ARHGEF9: variants seen among roughly 807,000 people sequenced by gnomAD.
ARHGEF9 encodes rho guanine nucleotide exchange factor 9.
ARHGEF9 carries 2 observed loss-of-function variants against 41.3 expected under a neutral mutation model. That is an observed-to-expected ratio of 0.05 (90% CI 0.02 to 0.15). The LOEUF (loss-of-function observed/expected upper bound fraction) is 0.15, where lower values mean the gene tolerates loss of function less well. Ranked by LOEUF, ARHGEF9 falls within the 10% of genes least tolerant of loss-of-function variation. ARHGEF9 has a pLI of 1.00. For synonymous variants in ARHGEF9, 160 were observed against 154.4 expected, an observed-to-expected ratio of 1.04 and a Z score of -0.27; for missense variants, 225 against 424.7, an observed-to-expected ratio of 0.53 and a Z score of 4.13.
intron 1 of ARHGEF9, among the ~76,000 whole-genome samples, chrX:63,753,190 T>C (rs1556442975): frequency 8.9e-6 from 1 of 112,102 alleles, no homozygotes; most frequent in Non-Finnish European, 1.9e-5. Flanking sequence ...CAAGCAGTCA[T>C]ATCTCAAACT....
intron 1 of ARHGEF9, among the ~76,000 whole-genome samples, chrX:63,750,088 G>C (rs188609623): frequency 8.9e-6 from 1 of 112,399 alleles, no homozygotes; most frequent in Admixed American, 9.4e-5. Flanking sequence ...GCAAGATCCA[G>C]ATGCCTTGTA....
At chrX:63,716,545 T>C (rs1556410311) in intron 2 of ARHGEF9, among the ~76,000 whole-genome samples, 2 of 111,677 alleles carry the variant, frequency 1.8e-5, no homozygotes, top group Admixed American at 1.9e-4. Context: ...TTGATGATCA[T>C]CTGTTGGGTG....
At chrX:63,756,625 G>A (rs1185009574) in intron 1 of ARHGEF9, among the ~76,000 whole-genome samples, 1 of 112,357 alleles carries the variant, frequency 8.9e-6, no homozygotes, top group Non-Finnish European at 1.9e-5. Context: ...CGTAAATACT[G>A]TTTCATGATG....
chrX:63,765,354 C>T (rs1556451272), intron 1 of ARHGEF9, among the ~76,000 whole-genome samples: 1 of 109,954 alleles, frequency 9.1e-6, no homozygotes, highest in African/African-American at 3.3e-5. Context: ...GGCTCACTCT[C>T]ACCACTCCAC....
At chrX:63,720,391 T>C (rs2053570879) in intron 2 of ARHGEF9, among the ~76,000 whole-genome samples, 1 of 111,512 alleles carries the variant, frequency 9.0e-6, no homozygotes, top group Non-Finnish European at 1.9e-5. Flanking sequence ...CCCTCAACAA[T>C]CAACAGTAGA....
chrX:63,781,108 CATTGT>C (rs2056372745), intron 1 of ARHGEF9, among the ~76,000 whole-genome samples: 1 of 111,897 alleles, frequency 8.9e-6, no homozygotes, highest in South Asian at 3.7e-4. Flanking sequence ...AGTGAGTGCA[CATTGT>C]AGTTTATACA....
At chrX:63,697,621 A>G (rs1212279415) in intron 3 of ARHGEF9, among the ~76,000 whole-genome samples, 1 of 111,539 alleles carries the variant, frequency 9.0e-6, no homozygotes, top group Non-Finnish European at 1.9e-5. Flanking sequence ...CACAGGTCTT[A>G]TTAGCTACTG....
chrX:63,753,069 T>C (rs1262361485), intron 1 of ARHGEF9, among the ~76,000 whole-genome samples: 1 of 112,414 alleles, frequency 8.9e-6, no homozygotes, highest in African/African-American at 3.2e-5. Flanking sequence ...CAGACTGGCA[T>C]GAGACATTTT....
chrX:63,754,407 G>T, intron 1 of ARHGEF9: 1 of 1,171,404 alleles, frequency 8.5e-7, no homozygotes, highest in Non-Finnish European at 1.1e-6. Context: ...CTCTGTCTGT[G>T]ATTTTTTTTT....
chrX:63,718,252 G>A (rs1556411408), intron 2 of ARHGEF9, among the ~76,000 whole-genome samples: 2 of 111,369 alleles, frequency 1.8e-5, no homozygotes, highest in African/African-American at 3.3e-5. Flanking sequence ...GATATTAATA[G>A]CACTAGAGCC....
chrX:63,695,230 C>T (rs1465880643), intron 4 of ARHGEF9, among the ~76,000 whole-genome samples: 5 of 111,741 alleles, frequency 4.5e-5, no homozygotes, highest in Admixed American at 2.8e-4. Flanking sequence ...TACAGGGCAG[C>T]CCCCGGTTGA....
chrX:63,779,858 T>C (rs369941147), intron 1 of ARHGEF9, among the ~76,000 whole-genome samples: 2 of 111,768 alleles, frequency 1.8e-5, no homozygotes, highest in East Asian at 5.6e-4. Context: ...AACATCGTTT[T>C]TCCCTTCTTC....
intron 3 of ARHGEF9, among the ~76,000 whole-genome samples, chrX:63,703,785 G>A (rs373012876): frequency 9.0e-6 from 1 of 111,728 alleles, no homozygotes; most frequent in Non-Finnish European, 1.9e-5. Context: ...GGCAGTGCAA[G>A]GTTACAGGTT....
chrX:63,697,626 C>T (rs183075974), intron 3 of ARHGEF9, among the ~76,000 whole-genome samples: 60 of 111,580 alleles, frequency 5.4e-4, no homozygotes, highest in Admixed American at 5.1e-3. Flanking sequence ...GTCTTATTAG[C>T]TACTGGTTTA....
chrX:63,714,696 T>G (rs1220955409), intron 2 of ARHGEF9, among the ~76,000 whole-genome samples: 1 of 111,954 alleles, frequency 8.9e-6, no homozygotes, highest in Non-Finnish European at 1.9e-5. Flanking sequence ...GTAGTTTATT[T>G]AATCCTTATT....
At chrX:63,746,438 G>A (rs1187826652) in intron 1 of ARHGEF9, among the ~76,000 whole-genome samples, 1 of 111,253 alleles carries the variant, frequency 9.0e-6, no homozygotes, top group East Asian at 2.8e-4. Flanking sequence ...AGTCATGACT[G>A]CATCCTGACC....
intron 2 of ARHGEF9, among the ~76,000 whole-genome samples, chrX:63,721,599 C>A (rs2053636987): frequency 9.1e-6 from 1 of 110,496 alleles, no homozygotes; most frequent in Non-Finnish European, 1.9e-5. Flanking sequence ...AGGAAAAGAG[C>A]CTGAATGACT....
At chrX:63,713,831 C>A (rs1261144987) in intron 2 of ARHGEF9, among the ~76,000 whole-genome samples, 9 of 110,903 alleles carry the variant, frequency 8.1e-5, no homozygotes, top group African/African-American at 3.0e-4. Context: ...TCCTGCCTGG[C>A]ACAAAGACAA....
chrX:63,641,902 C>T (rs2047659512), intron 9 of ARHGEF9: 2 of 111,385 alleles, frequency 1.8e-5, no homozygotes, highest in South Asian at 7.5e-4. Flanking sequence ...AACCTAGAAA[C>T]ACTAGACTGG....
Sources: allele counts gnomAD v4.1 joint callset (sites outside exome capture counted in the v4.1 genomes callset), GRCh38; gene constraint gnomAD v4.1.1; transcripts MANE v1.5; gene names NCBI Gene and HGNC (gene_info 2026-07-23, HGNC 2026-07-21).